Variants in KREMEN1 observed in about 807,000 individuals in gnomAD.
The protein encoded by KREMEN1 is kremen protein 1.
In KREMEN1, 30 loss-of-function variants were observed where a neutral mutation model predicts 46.5. That is an observed-to-expected ratio of 0.65 (90% confidence interval 0.48 to 0.88). The LOEUF (loss-of-function observed/expected upper bound fraction) is 0.88, where lower values mean the gene tolerates loss of function less well. KREMEN1 is among the 40% of genes least tolerant of loss of function. KREMEN1 has a pLI of 0.00. For missense variants in KREMEN1, 533 were observed against 596.9 expected (o/e 0.89, Z 1.11); for synonymous variants, 214 against 230.6 (o/e 0.93, Z 0.65).
intron 3 of KREMEN1, among the ~76,000 whole-genome samples, chr22:29,111,310 T>TAA (rs750795996): frequency 3.4e-5 from 4 of 117,550 alleles, no homozygotes; most frequent in Admixed American, 8.8e-5. Flanking sequence ...CTGTCTCTAT[T>TAA]AAAAAAAAAA....
intron 4 of KREMEN1, among the ~76,000 whole-genome samples, chr22:29,124,416 A>C (rs2038407463): frequency 1.3e-5 from 2 of 152,214 alleles, no homozygotes; most frequent in Admixed American, 6.5e-5. Context: ...GGGGGCCTAT[A>C]AAGCAATAGT....
intron 9 of KREMEN1, among the ~76,000 whole-genome samples, chr22:29,164,112 G>T (rs143496099): frequency 6.6e-6 from 1 of 152,254 alleles, no homozygotes; most frequent in African/African-American, 2.4e-5. Flanking sequence ...GCTGCGCCCA[G>T]CTGAGGACCT....
intron 3 of KREMEN1, among the ~76,000 whole-genome samples, chr22:29,117,807 G>A (rs997243057): frequency 2.0e-5 from 3 of 152,266 alleles, no homozygotes; most frequent in South Asian, 2.1e-4. Context: ...GAGATTCATC[G>A]TCCATGACCC....
Position 29,073,053 on chromosome 22 carries a change from G to A in KREMEN1, c.-78G>A. On this transcript the variant is annotated 5_prime_UTR_variant, in exon 1 of 9. Transcript: ENST00000400335. This position sits in a 1 kb window ranked among gnomAD's most constrained non-coding sequence, Gnocchi z 4.4. ...GGGCTACACTCGGGCCCCGCGTCCT[G>A]CTCCCATGGCCGCCCCCGGCTCCCC... 1 of 279,630 alleles carries A rather than the reference G, an allele frequency of 3.6e-6. No homozygotes were observed. The highest frequency in any genetic ancestry group is 5.4e-6 in the Non-Finnish European group (1 of 186,036). 17.3% of individuals were successfully genotyped at this position (279,630 alleles called of 1,614,324 possible).
At chr22:29,087,928 G>A (rs187016515) in intron 1 of KREMEN1, among the ~76,000 whole-genome samples, 5 of 152,290 alleles carry the variant, frequency 3.3e-5, no homozygotes, top group African/African-American at 9.6e-5. Context: ...AAACTGCAGA[G>A]CAGGTATTAT....
chr22:29,164,750 A>AG, intron 9 of KREMEN1, among the ~76,000 whole-genome samples: 1 of 149,318 alleles, frequency 6.7e-6, no homozygotes, highest in African/African-American at 2.5e-5. Context: ...CCATCTCAAA[A>AG]AAAAAACAAA....
intron 1 of KREMEN1, among the ~76,000 whole-genome samples, chr22:29,091,443 T>C (rs909686383): frequency 6.6e-6 from 1 of 152,096 alleles, no homozygotes; most frequent in African/African-American, 2.4e-5. Flanking sequence ...CTTCACACTT[T>C]AAAAAAAATT....
At chr22:29,078,272 A>G (rs2037602620) in intron 1 of KREMEN1, among the ~76,000 whole-genome samples, 3 of 152,308 alleles carry the variant, frequency 2.0e-5, no homozygotes, top group Middle Eastern at 3.4e-3. Flanking sequence ...ACAAACAAAC[A>G]AACAAACAAA....
chr22:29,115,005 T>G (rs997012535), intron 3 of KREMEN1, among the ~76,000 whole-genome samples: 1 of 151,896 alleles, frequency 6.6e-6, no homozygotes, highest in Non-Finnish European at 1.5e-5. Flanking sequence ...AAGAAAGGAG[T>G]CAAAACCAAC....
chr22:29,150,052 C>T (rs997612826), downstream of KREMEN1, among the ~76,000 whole-genome samples: 4 of 147,680 alleles, frequency 2.7e-5, no homozygotes, highest in African/African-American at 9.7e-5. Context: ...AGGTCGGGTC[C>T]CGATGGGGGA....
rs1242913242 is a variant in KREMEN1 at position 29,154,403 on chromosome 22, C to G, written c.1416+12303C>G. ...CCCTGCCTGCAGTGGATTTCCTTAT[C>G]TGTTGCTTCAGGTAAGGGAACAAAT... On this transcript the variant is annotated intron_variant, in intron 9 of 9. Transcript: ENST00000327813. 2.0e-5 allele frequency: 3 copies of G among 152,348 alleles called. No individual in the cohort carries two copies. In the East Asian group the frequency reaches 5.8e-4, roughly 29 times the overall value. The allele number at this position is 152,348 out of a possible 1,614,324, so 9.4% of individuals were successfully genotyped here. A position where few individuals can be genotyped will look rare whatever the true frequency, so the allele number is the denominator to read the frequency against.
At chr22:29,152,279 C>A (rs996472773) in intron 9 of KREMEN1, among the ~76,000 whole-genome samples, 4 of 152,132 alleles carry the variant, frequency 2.6e-5, no homozygotes, top group Admixed American at 6.5e-5. Context: ...CCCCTACAAG[C>A]GGCTCCAAGG....
rs1022111616 is a variant in KREMEN1 at position 29,073,186 on chromosome 22, C to A, written c.56C>A (p.Ala19Glu). The A allele has an allele frequency of 4.2e-6, 5 of 1,186,456 alleles. No homozygotes were observed. The highest frequency in any genetic ancestry group is 5.2e-6 in the Non-Finnish European group (5 of 960,874). The allele number at this position is 1,186,456 out of a possible 1,614,324, so 73.5% of individuals were successfully genotyped here. A position where few individuals can be genotyped will look rare whatever the true frequency, so the allele number is the denominator to read the frequency against. ...ALLSAAALTL[A>E]ARPAPSPGLG... is the part of the protein sequence containing the mutation. ...CTCTCCGCCGCGGCGCTCACGCTGG[C>A]GGCCCGGCCCGCGCCTAGCCCCGGC... The change falls in exon 1 of 9, where the codon GCG becomes GAG. Residue 19 changes from alanine to glutamate, a missense_variant. Transcript: ENST00000400335. The surrounding 1 kb of genome is among the most constrained non-coding windows in gnomAD (Gnocchi z 4.4).
chr22:29,092,126 CA>C (rs1389161784), intron 1 of KREMEN1, among the ~76,000 whole-genome samples: 10 of 152,106 alleles, frequency 6.6e-5, no homozygotes, highest in Admixed American at 2.0e-4. Flanking sequence ...CTGTGAGACC[CA>C]AACTGTTCTC....
intron 9 of KREMEN1, among the ~76,000 whole-genome samples, chr22:29,161,637 C>A (rs2145876021): frequency 6.6e-6 from 1 of 151,060 alleles, no homozygotes; most frequent in Non-Finnish European, 1.5e-5. Flanking sequence ...GCTACCAATT[C>A]TACTGAAACT....
Position 29,141,958 on chromosome 22 carries a change from C to T in KREMEN1, c.1223C>T (p.Pro408Leu). The T allele has an allele frequency of 1.2e-6, 2 of 1,600,404 alleles. No individual in the cohort carries two copies. The highest frequency in any genetic ancestry group is 2.2e-5 in the East Asian group (1 of 44,626). Residue 408 changes from proline (P) to leucine (L), a missense_variant, in exon 9 of 9, where the codon CCT becomes CTT. Transcript: ENST00000400335. ...LHVTFKSHRV[P>L]ASGDLRDCHQ... The stretch of plus-strand genomic sequence containing the variant: ...CTGCTTGACAGATCCCATCGTGTTC[C>T]TGCTTCAGGGGACCTTAGGGATTGT...
chr22:29,073,292 G>T lies in KREMEN1; in HGVS notation c.97+65G>T, dbSNP rs1199587096. Reference sequence around the variant, plus strand: ...GCCCACTCGAGGGGCGACAAGGGCCGGCCGGCCTGAGAGCCCCCTCCCTCC... The same window carrying T: ...GCCCACTCGAGGGGCGACAAGGGCCTGCCGGCCTGAGAGCCCCCTCCCTCC... On this transcript the variant is annotated intron_variant, in intron 1 of 8. Transcript: ENST00000400335. The surrounding 1 kb of genome is among the most constrained non-coding windows in gnomAD (Gnocchi z 4.4). 4.2e-6 allele frequency: 3 copies of T among 711,962 alleles called. No individual in the cohort carries two copies. The highest frequency in any genetic ancestry group is 5.6e-6 in the Non-Finnish European group (3 of 540,042). 44.1% of individuals were successfully genotyped at this position (711,962 alleles called of 1,614,324 possible).
At chr22:29,078,191 A>G (rs1410797740) in intron 1 of KREMEN1, among the ~76,000 whole-genome samples, 1 of 152,160 alleles carries the variant, frequency 6.6e-6, no homozygotes, top group Non-Finnish European at 1.5e-5. Context: ...CTGGGAGGTC[A>G]GGGTTGCAGT....
At position 29,121,456 on chromosome 22, in the gene KREMEN1, G is replaced by C; in HGVS notation, c.452G>C (p.Ser151Thr). The stretch of plus-strand genomic sequence containing the variant: ...AAACTCACCATACAAACTTGCATCA[G>C]TTTTTGTCGGAGTCAGAGGTTCAAG... ...SNKLTIQTCI[S>T]FCRSQRFKFA... The change falls in exon 4 of 9, where the codon AGT becomes ACT. Residue 151 changes from serine to threonine, a missense_variant. By Grantham distance (58) the Ser-to-Thr change is moderately conservative (BLOSUM62 1). Transcript: ENST00000400335. 1 of 1,614,072 alleles carries C rather than the reference G, an allele frequency of 6.2e-7. No individual in the cohort carries two copies. The highest frequency in any genetic ancestry group is 8.5e-7 in the Non-Finnish European group (1 of 1,179,982).
Sources: allele counts gnomAD v4.1 joint callset (sites outside exome capture counted in the v4.1 genomes callset), GRCh38; gene constraint gnomAD v4.1.1; non-coding constraint Gnocchi (gnomAD v3.1); transcripts MANE v1.5; gene names NCBI Gene and HGNC (gene_info 2026-07-23, HGNC 2026-07-21).